PHF20L1: variants seen among roughly 807,000 people sequenced by gnomAD.
PHF20L1 encodes the protein PHD finger protein 20 like 1.
In PHF20L1, 44 loss-of-function variants were observed where a neutral mutation model predicts 125.5. The observed-to-expected ratio is 0.35, with a 90% CI of 0.28 to 0.45. The LOEUF (loss-of-function observed/expected upper bound fraction) is 0.45, where lower values mean the gene tolerates loss of function less well. Ranked by LOEUF, PHF20L1 falls within the 20% of genes least tolerant of loss-of-function variation. PHF20L1 has a pLI of 1.00. For missense variants in PHF20L1, 1,012 were observed against 1,217.2 expected, an observed-to-expected ratio of 0.83 and a Z score of 2.51; for synonymous variants, 380 against 403.1, an observed-to-expected ratio of 0.94 and a Z score of 0.69.
At chr8:132,779,702 G>A (rs577738973) in intron 2 of PHF20L1, among the ~76,000 whole-genome samples, 1 of 152,256 alleles carries the variant, frequency 6.6e-6, no homozygotes, top group East Asian at 1.9e-4. Context: ...TCTTTCAGTA[G>A]TAAAATGTTT....
chr8:132,778,112 CT>C (rs970095131), intron 2 of PHF20L1, among the ~76,000 whole-genome samples: 1 of 152,066 alleles, frequency 6.6e-6, no homozygotes, highest in Non-Finnish European at 1.5e-5. Flanking sequence ...AGTCAACTGA[CT>C]AAATTATTTA....
At chr8:132,819,150 A>G (rs1268868178) in intron 12 of PHF20L1, among the ~76,000 whole-genome samples, 2 of 151,910 alleles carry the variant, frequency 1.3e-5, no homozygotes, top group South Asian at 2.1e-4. Flanking sequence ...AAGGCACACG[A>G]ATATTCTTTC....
chr8:132,817,381 G>T lies in PHF20L1; in HGVS notation c.1415G>T (p.Cys472Phe). 1 of 1,612,674 alleles carries T rather than the reference G, an allele frequency of 6.2e-7. No individual in the cohort carries two copies. Among genetic ancestry groups the T allele is most frequent in the Non-Finnish European group, 8.5e-7 (1 of 1,179,150 alleles). ...AHLPLEKLGP[C>F]LPLDLSRGSE... is the part of the protein sequence containing the mutation. ...TTGCCACTTGAGAAGCTGGGACCCT[G>T]TCTCCCTCTTGACTTAAGTCGTGGT... The change falls in exon 12 of 21, where the codon TGT becomes TTT. Residue 472 changes from cysteine (C) to phenylalanine (F), a missense_variant. Cys to Phe is a radical substitution (Grantham distance 205, BLOSUM62 -2). Transcript: ENST00000395386.
chr8:132,802,511 AGCT>A (rs1385123580), intron 6 of PHF20L1, among the ~76,000 whole-genome samples: 1 of 151,756 alleles, frequency 6.6e-6, no homozygotes, highest in Non-Finnish European at 1.5e-5. Flanking sequence ...CGCAGCTTAT[AGCT>A]AATTGTATTT....
At chr8:132,817,756 T>C (rs1835139087) in intron 12 of PHF20L1, 2 of 480,200 alleles carry the variant, frequency 4.2e-6, no homozygotes, top group South Asian at 6.5e-5. Flanking sequence ...ACATACATGC[T>C]GCTTAACCTT....
At chr8:132,792,042 G>A (rs1370122978) in intron 2 of PHF20L1, among the ~76,000 whole-genome samples, 2 of 152,108 alleles carry the variant, frequency 1.3e-5, no homozygotes, top group South Asian at 2.1e-4. Flanking sequence ...CTGTTACTGT[G>A]GACTATTCTC....
chr8:132,831,549 C>G (rs1004308856), intron 14 of PHF20L1, among the ~76,000 whole-genome samples: 55 of 152,174 alleles, frequency 3.6e-4, no homozygotes, highest in African/African-American at 1.3e-3. Context: ...ATCAGATTAT[C>G]ACTGTATAAT....
chr8:132,784,707 T>C (rs1830815060), intron 2 of PHF20L1, among the ~76,000 whole-genome samples: 1 of 152,222 alleles, frequency 6.6e-6, no homozygotes, highest in Non-Finnish European at 1.5e-5. Flanking sequence ...TGAAACCTTT[T>C]GGCTCCCAAT....
intron 2 of PHF20L1, among the ~76,000 whole-genome samples, chr8:132,788,404 A>G (rs1831296853): frequency 1.3e-5 from 2 of 152,162 alleles, no homozygotes; most frequent in Non-Finnish European, 1.5e-5. Context: ...TTTGATTGAT[A>G]TGGTGCTTAT....
intron 1 of PHF20L1, among the ~76,000 whole-genome samples, chr8:132,775,958 A>G (rs766935115): frequency 6.6e-6 from 1 of 152,022 alleles, no homozygotes; most frequent in Non-Finnish European, 1.5e-5. Flanking sequence ...CCTGGCGGTC[A>G]TTCTCTGACC....
At position 132,848,712 on chromosome 8, in the gene PHF20L1, T is replaced by C. The variant is rs1838583024; in HGVS notation, c.*2789T>C. 6.6e-6 allele frequency: 1 copy of C among 151,162 alleles called. No homozygotes were observed. The allele number at this position is 151,162 out of a possible 1,614,324, so 9.4% of individuals were successfully genotyped here. On this transcript the variant is annotated 3_prime_UTR_variant, in exon 21 of 21. Transcript: ENST00000395386. ...AAACCCCTTTTCCTAACACTCATCT[T>C]ATTTCCACTGTCTTATTTCCTCTCA...
intron 19 of PHF20L1, chr8:132,843,167 C>CA (rs774307283): frequency 4.7e-6 from 5 of 1,068,204 alleles, no homozygotes; most frequent in Non-Finnish European, 5.7e-6. Context: ...ACATTGTATT[C>CA]AAAACGAAAA....
chr8:132,834,284 A>G (rs1587059972), intron 15 of PHF20L1, among the ~76,000 whole-genome samples: 1 of 152,136 alleles, frequency 6.6e-6, no homozygotes, highest in South Asian at 2.1e-4. Flanking sequence ...TTGCCATGCA[A>G]GTATATGTGA....
Position 132,836,767 on chromosome 8 carries a change from G to T in PHF20L1, c.2091+46G>T, listed in dbSNP as rs753078040. The T allele has an allele frequency of 3.6e-6, 5 of 1,398,888 alleles. No individual in the cohort carries two copies. In the South Asian group the frequency reaches 6.1e-5, roughly 17 times the overall value. The allele number at this position is 1,398,888 out of a possible 1,614,324, so 86.7% of individuals were successfully genotyped here. ...CCCTATAATGAGTTAGTTGTTTCAGGTGCTCAGCAAATGCATCACGGTGTT... is the reference window on the plus strand; with the variant it reads ...CCCTATAATGAGTTAGTTGTTTCAGTTGCTCAGCAAATGCATCACGGTGTT... On this transcript the variant is annotated intron_variant, in intron 16 of 20. Coordinates refer to ENST00000395386, the MANE Select transcript of PHF20L1 (RefSeq NM_016018.5).
intron 4 of PHF20L1, among the ~76,000 whole-genome samples, chr8:132,796,927 G>A (rs1832458283): frequency 1.3e-5 from 2 of 152,038 alleles, no homozygotes; most frequent in Non-Finnish European, 2.9e-5. Flanking sequence ...TAAGAGCTTT[G>A]GGGCCTTCGT....
chr8:132,823,663 C>G (rs1835842663), intron 12 of PHF20L1, among the ~76,000 whole-genome samples: 1 of 151,928 alleles, frequency 6.6e-6, no homozygotes, highest in South Asian at 2.1e-4. Context: ...ATCCTTATAA[C>G]TGCATGAGGT....
At chr8:132,817,774 G>T in intron 12 of PHF20L1, 1 of 421,536 alleles carries the variant, frequency 2.4e-6, no homozygotes, top group East Asian at 3.9e-5. Context: ...CTTGTCACTT[G>T]ATCTATTTCC....
intron 2 of PHF20L1, among the ~76,000 whole-genome samples, chr8:132,792,223 A>G (rs542348063): frequency 1.3e-5 from 2 of 152,358 alleles, no homozygotes; most frequent in African/African-American, 4.8e-5. Context: ...TACAATTGAT[A>G]GAATATCTTT....
rs967831797 is a variant in PHF20L1 at position 132,839,360 on chromosome 8, G to A, written c.2192-27G>A. The A allele has an allele frequency of 3.2e-6, 5 of 1,570,082 alleles. No individual in the cohort carries two copies. The Admixed American group carries it at 6.7e-5, about 21-fold the overall frequency. On this transcript the variant is annotated intron_variant, in intron 17 of 20. Transcript: ENST00000395386. ...AAAATCCGAGTAAGTGCAGTCCTCT[G>A]TGATTTAATATCAACTTCATCTGCA... is the stretch of plus-strand genomic sequence containing the variant.
Sources: gnomAD v4.1 joint callset for allele counts (sites outside exome capture counted in the v4.1 genomes callset) on GRCh38, gnomAD v4.1.1 for gene constraint, MANE v1.5 for transcripts, NCBI Gene and HGNC (gene_info 2026-07-23, HGNC 2026-07-21) for gene names.